The following OSBPL7 variants were observed in gnomAD, a reference collection of about 807,000 sequenced individuals.
OSBPL7 encodes the protein oxysterol-binding protein-related protein 7.
OSBPL7 carries 66 observed loss-of-function variants against 115.8 expected under a neutral mutation model. That is an observed-to-expected ratio of 0.57 (90% CI 0.47 to 0.70). The LOEUF is 0.70. Ranked by LOEUF, OSBPL7 falls within the 30% of genes least tolerant of loss-of-function variation. The pLI, the probability that OSBPL7 is intolerant of heterozygous loss-of-function variation, is 0.00. For synonymous variants in OSBPL7, 441 were observed against 439.2 expected (o/e 1.00, Z -0.05); for missense variants, 902 against 1,125.5 (o/e 0.80, Z 2.84).
chr17:47,814,747 T>C, intron 13 of OSBPL7, 133 bp from the exon 14 acceptor site: 1 of 762,692 alleles, frequency 1.3e-6, no homozygotes, highest in Non-Finnish European at 2.1e-6. Context: ...GGGGGCACTC[T>C]GAGCCCTAAG....
At position 47,820,324 on chromosome 17, in the gene OSBPL7, C is replaced by T. The variant is rs763054393; in HGVS notation, c.-46G>A. The stretch of plus-strand genomic sequence containing the variant: ...CCTGCTGGGGATGTAGAGCAGGGAG[C>T]AGGGTGGAAGGGGAAGGATGTCACC... On this transcript the variant is annotated 5_prime_UTR_variant, in exon 2 of 23. Coordinates refer to ENST00000007414, the MANE Select transcript of OSBPL7 (RefSeq NM_145798.3). The T allele has an allele frequency of 3.8e-6, 6 of 1,578,108 alleles. No homozygotes were observed. Among genetic ancestry groups the T allele is most frequent in the Non-Finnish European group, 5.2e-6 (6 of 1,155,430 alleles).
rs747101553 is a variant in OSBPL7, at chr17:47,819,069, C to T, written c.286G>A (p.Asp96Asn). ...ITKGKLHGSIDVRLSVMSINK... is the reference protein window; with the variant it reads ...ITKGKLHGSINVRLSVMSINK... ...ATGGACATGACCGACAGCCGGACAT[C>T]GATGGAGCCATGGAGCTTCCCCTTG... The change falls in exon 5 of 23, where the codon GAT (aspartate) becomes AAT (asparagine). Residue 96 changes from aspartate (D) to asparagine (N), a missense_variant. Around this residue, in one of 3 missense-constraint regions of OSBPL7, gnomAD observed 667 missense variants for 788.7 expected, o/e 0.85. Transcript: ENST00000007414. 16 of 1,613,944 alleles carry T rather than the reference C, an allele frequency of 9.9e-6. No homozygotes were observed. Among genetic ancestry groups the T allele is most frequent in the Middle Eastern group, 3.3e-4 (2 of 6,082 alleles).
intron 18 of OSBPL7, among the ~76,000 whole-genome samples, chr17:47,810,109 T>C (rs1334933809): frequency 6.6e-6 from 1 of 152,178 alleles, no homozygotes; most frequent in South Asian, 2.1e-4. Flanking sequence ...TCATGGCTTC[T>C]GACTCCAAAA....
At chr17:47,809,911 C>CTTTTTTTT (rs1159738939) in intron 18 of OSBPL7, among the ~76,000 whole-genome samples, 1 of 46,702 alleles carries the variant, frequency 2.1e-5, no homozygotes, top group African/African-American at 7.5e-5. Context: ...CTTTTCTTTT[C>CTTTTTTTT]TTTTTTTTTT....
At position 47,819,039 on chromosome 17, in the gene OSBPL7, TG is replaced by T; in HGVS notation, c.315del (p.Asn105LysfsTer38). The T allele has an allele frequency of 6.2e-7, 1 of 1,614,150 alleles. No individual in the cohort carries two copies. Among genetic ancestry groups the T allele is most frequent in the Non-Finnish European group, 8.5e-7 (1 of 1,180,016 alleles). On this transcript the variant is annotated frameshift_variant, in exon 5 of 23. Coordinates refer to ENST00000007414, the MANE Select transcript of OSBPL7 (RefSeq NM_145798.3). LOFTEE classifies it high-confidence loss of function. ...TCAAGGTCAATGCGCTGGGCCTTTT[TG>T]TTGATGGACATGACCGACAGCCGGA... The part of the protein sequence containing the change: ...IDVRLSVMSI[N>X]KKAQRIDLDT...
At chr17:47,811,900 A>C (rs973947752) in intron 16 of OSBPL7, among the ~76,000 whole-genome samples, 1 of 152,238 alleles carries the variant, frequency 6.6e-6, no homozygotes, top group Non-Finnish European at 1.5e-5. Flanking sequence ...CATATGCGTA[A>C]AACATTTCTG....
intron 14 of OSBPL7, 71 bp from the exon 15 acceptor site, chr17:47,813,905 A>G: frequency 6.6e-7 from 1 of 1,509,042 alleles, no homozygotes; most frequent in Non-Finnish European, 8.8e-7. Context: ...CCCACAGCCC[A>G]GTCCAGGGCC....
Position 47,813,590 on chromosome 17 carries a change from G to A in OSBPL7, c.1596C>T (p.Arg532=). The A allele has an allele frequency of 6.2e-7, 1 of 1,609,554 alleles. No homozygotes were observed. The highest frequency in any genetic ancestry group is 2.2e-5 in the East Asian group (1 of 44,778). The part of the protein sequence containing the change: ...QASRIADPCE[R]MVYIAAFAVS... ...CGTGAGGACAGGAAGCAGGTACCAT[G>A]CGCTCGCAGGGGTCGGCGATGCGGC... The change falls in exon 15 of 23, where the codon CGC becomes CGT. Residue 532 remains arginine (R), a synonymous_variant. Coordinates refer to ENST00000007414, the MANE Select transcript of OSBPL7 (RefSeq NM_145798.3).
At chr17:47,813,566 G>A (rs369761197) in intron 15 of OSBPL7, 21 bp downstream of exon 15, 22 of 1,601,664 alleles carry the variant, frequency 1.4e-5, no homozygotes, top group South Asian at 6.6e-5. Context: ...TGGGCTGGGC[G>A]TGAGGACAGG....
Position 47,815,307 on chromosome 17 carries a change from A to G in OSBPL7, c.1165T>C (p.Ser389Pro). The G allele has an allele frequency of 6.2e-7, 1 of 1,613,992 alleles. No homozygotes were observed. The highest frequency in any genetic ancestry group is 8.5e-7 in the Non-Finnish European group (1 of 1,179,986). ...GCAAGGGACAGGATGCTGGTCTGCG[A>G]TAGCTGGGGGGTGAGCTCGCGCCCC... Reference protein sequence around the residue: ...MKGRELTPQLSQTSILSLADS... With the variant: ...MKGRELTPQLPQTSILSLADS... The change falls in exon 13 of 23, where the codon TCG becomes CCG. Residue 389 changes from serine (S) to proline (P), a missense_variant. Ser to Pro is a moderately conservative substitution (Grantham distance 74, BLOSUM62 -1). This residue lies in a region of OSBPL7 where 667 missense variants were observed against 788.7 expected (regional missense o/e 0.85). Transcript: ENST00000007414.
intron 18 of OSBPL7, 45 bp downstream of exon 18, chr17:47,810,549 A>T (rs1359435165): frequency 6.4e-7 from 1 of 1,554,332 alleles, no homozygotes; most frequent in Non-Finnish European, 8.9e-7. Context: ...AGCCTGAAGG[A>T]TTGCCTGTGG....
Position 47,813,843 on chromosome 17 carries a change from G to A in OSBPL7, c.1352-9C>T, listed in dbSNP as rs745970178. The A allele has an allele frequency of 8.8e-6, 14 of 1,599,114 alleles. No homozygotes were observed. The highest frequency in any genetic ancestry group is 2.2e-5 in the South Asian group (2 of 90,028). ...CCCTGGAACACACCCCCCTGGGGCC[G>A]CCCTGCCATGTCACTCTCCATCTGG... On this transcript the variant is annotated splice_polypyrimidine_tract_variant and intron_variant, in intron 14 of 22. Coordinates refer to ENST00000007414, the MANE Select transcript of OSBPL7 (RefSeq NM_145798.3).
In OSBPL7 at chr17:47,817,266, G is replaced by A. The variant is rs2033252184; in HGVS notation, c.692C>T (p.Pro231Leu). 2 of 1,594,640 alleles carry A rather than the reference G, an allele frequency of 1.3e-6. No individual in the cohort carries two copies. Among genetic ancestry groups the A allele is most frequent in the Admixed American group, 1.9e-5 (1 of 52,554 alleles). ...ACCCCTGGATCTTACCTGGTGTGTG[G>A]GGATAACAGGGGCTGAGGGGATTCG... The part of the protein sequence containing the change: ...LHRIPSAPVI[P>L]THQASVTTER... The change falls in exon 8 of 23, where the codon CCC becomes CTC. Residue 231 changes from proline (P) to leucine (L), a missense_variant. Physicochemically the swap from Pro to Leu is moderately conservative, Grantham distance 98 (BLOSUM62 -3). This residue lies in a region of OSBPL7 where 667 missense variants were observed against 788.7 expected (regional missense o/e 0.85). Coordinates refer to ENST00000007414, the MANE Select transcript of OSBPL7 (RefSeq NM_145798.3).
chr17:47,816,689 G>A lies in OSBPL7; in HGVS notation c.802C>T (p.Arg268Cys), dbSNP rs200258761. 1.1e-5 allele frequency: 18 copies of A among 1,614,064 alleles called. No individual in the cohort carries two copies. In the African/African-American group the frequency reaches 1.2e-4, roughly 11 times the overall value. Reference sequence around the variant, plus strand: ...AGGTTGGGAACAGAGCCATGGAGACGACCAACCTGTAGGTGAAGGGGAAGG... The same window carrying A: ...AGGTTGGGAACAGAGCCATGGAGACAACCAACCTGTAGGTGAAGGGGAAGG... ...AKDDTIGRVG[R>C]LHGSVPNLSR... Residue 268 changes from arginine (R) to cysteine (C), a missense_variant, in exon 10 of 23, where the codon CGT becomes TGT. Arg to Cys is a radical substitution (Grantham distance 180). Coordinates refer to ENST00000007414, the MANE Select transcript of OSBPL7 (RefSeq NM_145798.3). This position sits in a 1 kb window ranked among gnomAD's most constrained non-coding sequence, Gnocchi z 5.8.
Position 47,817,277 on chromosome 17 carries a change from G to T in OSBPL7, c.681C>A (p.Ala227=). The change falls in exon 8 of 23, where the codon GCC becomes GCA. Residue 227 remains alanine (A), a synonymous_variant. Coordinates refer to ENST00000007414, the MANE Select transcript of OSBPL7 (RefSeq NM_145798.3). ...TTACCTGGTGTGTGGGGATAACAGG[G>T]GCTGAGGGGATTCGGTGCAGGGACT... ...SLESLHRIPS[A]PVIPTHQASV... The T allele has an allele frequency of 6.2e-7, 1 of 1,600,236 alleles. No homozygotes were observed.
chr17:47,810,737 C>T, intron 17 of OSBPL7, 35 bp downstream of exon 17: 1 of 1,613,518 alleles, frequency 6.2e-7, no homozygotes, highest in Non-Finnish European at 8.5e-7. Flanking sequence ...TTCCCTTTGC[C>T]CAGGGCCACC....
rs1214460547 is a variant in OSBPL7, at chr17:47,813,321, C to G, written c.1682G>C (p.Gly561Ala). The G allele has an allele frequency of 6.2e-7, 1 of 1,614,082 alleles. No individual in the cohort carries two copies. Among genetic ancestry groups the G allele is most frequent in the Non-Finnish European group, 8.5e-7 (1 of 1,180,028 alleles). The change falls in exon 16 of 23, where the codon GGG (glycine) becomes GCG (alanine). Residue 561 changes from glycine (G) to alanine (A), a missense_variant. Gly to Ala is a moderately conservative substitution (Grantham distance 60). Transcript: ENST00000007414. ...AGGCCGCTCACACTCGTAGGTCTCCCCCAGGACAGGGTTGAAGGGCTTGCA... is the reference window on the plus strand; with the variant it reads ...AGGCCGCTCACACTCGTAGGTCTCCGCCAGGACAGGGTTGAAGGGCTTGCA... ...AGCKPFNPVL[G>A]ETYECERPDR...
In OSBPL7 at chr17:47,817,286, G is replaced by T; in HGVS notation, c.672C>A (p.Ile224=). The T allele has an allele frequency of 6.2e-7, 1 of 1,601,770 alleles. No individual in the cohort carries two copies. The highest frequency in any genetic ancestry group is 8.5e-7 in the Non-Finnish European group (1 of 1,177,006). The change falls in exon 8 of 23, where the codon ATC becomes ATA. Residue 224 remains isoleucine (I), a synonymous_variant. Coordinates refer to ENST00000007414, the MANE Select transcript of OSBPL7 (RefSeq NM_145798.3). ...LLQSLESLHR[I]PSAPVIPTHQ... ...GTGTGGGGATAACAGGGGCTGAGGG[G>T]ATTCGGTGCAGGGACTCCAGGCTCT...
chr17:47,819,980 G>C lies in OSBPL7; in HGVS notation c.192C>G (p.Gly64=). Residue 64 remains glycine (G), a synonymous_variant, in exon 3 of 23, where the codon GGC becomes GGG. Coordinates refer to ENST00000007414, the MANE Select transcript of OSBPL7 (RefSeq NM_145798.3). ...TGCCTGCCCACCCTACCTTGTGCCA[G>C]CCCTTCAGAGGCCACTTCCTCTTCT... ...LLKKRKWPLK[G]WHKRYFVLED... The C allele has an allele frequency of 1.5e-6, 2 of 1,343,466 alleles. No individual in the cohort carries two copies. Among genetic ancestry groups the C allele is most frequent in the Non-Finnish European group, 9.8e-7 (1 of 1,022,770 alleles). The allele number at this position is 1,343,466 out of a possible 1,614,324, so 83.2% of individuals were successfully genotyped here.
Sources: gnomAD v4.1 joint callset for allele counts (sites outside exome capture counted in the v4.1 genomes callset) on GRCh38, gnomAD v4.1.1 for gene constraint, gnomAD v4.1.1 regional missense constraint, Gnocchi (gnomAD v3.1) non-coding constraint, MANE v1.5 for transcripts, NCBI Gene and HGNC (gene_info 2026-07-23, HGNC 2026-07-21) for gene names.